BABAM2: variants seen among roughly 807,000 people sequenced by gnomAD.
BABAM2 encodes BRISC and BRCA1 A complex member 2.
In BABAM2, 31 loss-of-function variants were observed where a neutral mutation model predicts 54.7. The ratio of observed to expected loss-of-function variants is 0.57; its 90% CI spans 0.43 to 0.77. The LOEUF is 0.77. BABAM2 is among the 30% of genes least tolerant of loss of function. BABAM2 has a pLI of 0.00. For synonymous variants in BABAM2, 167 were observed against 162.9 expected, an observed-to-expected ratio of 1.03 and a Z score of -0.19; for missense variants, 364 against 455.8, an observed-to-expected ratio of 0.80 and a Z score of 1.83.
chr2:28,004,347 A>G (rs1211337887), intron 4 of BABAM2, among the ~76,000 whole-genome samples: 1 of 152,228 alleles, frequency 6.6e-6, no homozygotes, highest in African/African-American at 2.4e-5. Flanking sequence ...ACAATGACTC[A>G]GTAGACCTTG....
chr2:28,256,707 T>TC (rs918202609), intron 10 of BABAM2, among the ~76,000 whole-genome samples: 3 of 150,308 alleles, frequency 2.0e-5, no homozygotes, highest in African/African-American at 7.3e-5. Context: ...TTTTTTTTTT[T>TC]TTTTTGAGAT....
intron 11 of BABAM2, among the ~76,000 whole-genome samples, chr2:28,332,730 C>T (rs1263843396): frequency 6.6e-6 from 1 of 152,196 alleles, no homozygotes; most frequent in African/African-American, 2.4e-5. Context: ...AACTGCACAC[C>T]ACACACAAGG....
At chr2:28,072,336 C>G (rs1374102218) in intron 6 of BABAM2, among the ~76,000 whole-genome samples, 2 of 151,708 alleles carry the variant, frequency 1.3e-5, no homozygotes, top group East Asian at 3.9e-4. Context: ...CCACGCCCAG[C>G]TAATTTTTGT....
chr2:28,234,672 A>G (rs1363659295), intron 7 of BABAM2, among the ~76,000 whole-genome samples: 1 of 152,168 alleles, frequency 6.6e-6, no homozygotes, highest in Non-Finnish European at 1.5e-5. Flanking sequence ...GCCATTCTGT[A>G]TGTTATACAG....
At chr2:27,965,252 G>A (rs1303147481) in intron 3 of BABAM2, among the ~76,000 whole-genome samples, 1 of 151,964 alleles carries the variant, frequency 6.6e-6, no homozygotes, top group African/African-American at 2.4e-5. Flanking sequence ...TTATTTCAAC[G>A]TAAATTATAT....
rs34308709 is a variant in BABAM2, at chr2:27,942,791, AATTTATTTATTT to A, written c.205+12911_205+12922del. Among the ~76,000 whole-genome samples the A allele has an allele frequency of 8.5e-5, 12 of 141,860 alleles. No individual in the cohort carries two copies. The East Asian group carries it at 1.0e-3, about 12-fold the overall frequency. The allele number at this position is 141,860 out of a possible 152,430, so 93.1% of individuals were successfully genotyped here. The stretch of plus-strand genomic sequence containing the variant: ...CTGTTTTACTTATTCTTTCTTAAAA[AATTTATTTATTT>A]ATTTATTTATTTATTTATTTATTTA... On this transcript the variant is annotated intron_variant, in intron 3 of 11. Transcript: ENST00000379624.
intron 7 of BABAM2, among the ~76,000 whole-genome samples, chr2:28,178,794 A>G (rs1035185016): frequency 2.0e-4 from 30 of 151,982 alleles, no homozygotes; most frequent in Non-Finnish European, 3.8e-4. Context: ...AATCAGAAAC[A>G]AAAAAAGAGG....
Position 28,335,154 on chromosome 2 carries a change from C to CTTTTTTTTTTTTTTT in BABAM2, c.1089-3283_1089-3269dup, listed in dbSNP as rs56135926. Among the ~76,000 whole-genome samples the CTTTTTTTTTTTTTTT allele has an allele frequency of 7.0e-4, 50 of 71,520 alleles. 4 individuals carry two copies. Among genetic ancestry groups the CTTTTTTTTTTTTTTT allele is most frequent in the South Asian group, 1.2e-3 (2 of 1,694 alleles). 46.9% of individuals were successfully genotyped at this position (71,520 alleles called of 152,430 possible). A position where few individuals can be genotyped will look rare whatever the true frequency, so the allele number is the denominator to read the frequency against. On this transcript the variant is annotated intron_variant, in intron 11 of 11. Transcript: ENST00000379624. ...CTGGAGCTGCTGTCTCTCCCACCTT[C>CTTTTTTTTTTTTTTT]TTTTTTTTTTTTTTTTTTTTTTTTT...
rs1690535711 is a variant in BABAM2 at position 28,327,149 on chromosome 2, G to A, written c.1089-11301G>A. On this transcript the variant is annotated intron_variant, in intron 11 of 11. Transcript: ENST00000379624. ...ATGCGTGCATACATCTGTGATGAAC[G>A]CCAGAGAAAGAAGCTGGTCCCATGG... 5.0e-6 allele frequency: 5 copies of A among 997,384 alleles called. No individual in the cohort carries two copies. The South Asian group carries it at 7.4e-5, about 15-fold the overall frequency. The allele number at this position is 997,384 out of a possible 1,614,324, so 61.8% of individuals were successfully genotyped here. A position where few individuals can be genotyped will look rare whatever the true frequency, so the allele number is the denominator to read the frequency against.
chr2:28,327,016 T>C (rs1419675230), intron 11 of BABAM2, among the ~76,000 whole-genome samples: 1 of 152,214 alleles, frequency 6.6e-6, no homozygotes, highest in Non-Finnish European at 1.5e-5. Flanking sequence ...TGGTGAGTGT[T>C]GGACACTATG....
chr2:28,271,658 G>A (rs150830538), intron 10 of BABAM2, among the ~76,000 whole-genome samples: 142 of 152,260 alleles, frequency 9.3e-4, no homozygotes, highest in African/African-American at 3.3e-3. Context: ...TAGAAGGCAT[G>A]TATCACCCCA....
chr2:28,245,937 C>G (rs1682876553), intron 10 of BABAM2, among the ~76,000 whole-genome samples: 1 of 152,066 alleles, frequency 6.6e-6, no homozygotes, highest in South Asian at 2.1e-4. Flanking sequence ...TGATTACACA[C>G]CAATAGATAG....
At chr2:28,333,137 G>A (rs1210664301) in intron 11 of BABAM2, among the ~76,000 whole-genome samples, 1 of 151,962 alleles carries the variant, frequency 6.6e-6, no homozygotes, top group African/African-American at 2.4e-5. Context: ...CATCTCTTAT[G>A]CCAGGTACCA....
At chr2:28,034,916 C>T (rs532398906) in intron 5 of BABAM2, among the ~76,000 whole-genome samples, 2 of 152,128 alleles carry the variant, frequency 1.3e-5, no homozygotes, top group South Asian at 2.1e-4. Context: ...ACCTTAATGT[C>T]GGGATTAACG....
chr2:27,915,579 C>T (rs1310607043), intron 2 of BABAM2, among the ~76,000 whole-genome samples: 2 of 152,198 alleles, frequency 1.3e-5, no homozygotes, highest in Non-Finnish European at 2.9e-5. Flanking sequence ...GTGGATGGCA[C>T]ACTTATCCCA....
chr2:27,921,597 T>C (rs1360437880), intron 2 of BABAM2, among the ~76,000 whole-genome samples: 2 of 152,172 alleles, frequency 1.3e-5, no homozygotes, highest in Non-Finnish European at 2.9e-5. Context: ...CATAAGCATC[T>C]ACGTGCCTCA....
intron 10 of BABAM2, among the ~76,000 whole-genome samples, chr2:28,255,653 T>G (rs1482908481): frequency 1.3e-5 from 2 of 151,910 alleles, no homozygotes; most frequent in Non-Finnish European, 2.9e-5. Flanking sequence ...AACTTAGAAG[T>G]TTTTGTTTGT....
chr2:28,327,577 C>A, intron 11 of BABAM2: 1 of 1,059,530 alleles, frequency 9.4e-7, no homozygotes, highest in Non-Finnish European at 1.3e-6. Flanking sequence ...TAATTCAACA[C>A]ATACTGAGAC....
At chr2:27,912,594 G>T (rs893665237) in intron 2 of BABAM2, among the ~76,000 whole-genome samples, 7 of 152,100 alleles carry the variant, frequency 4.6e-5, no homozygotes, top group Non-Finnish European at 2.9e-5. Flanking sequence ...AATTCAGGAC[G>T]CGAGAGACCA....
Sources: allele counts gnomAD v4.1 joint callset (sites outside exome capture counted in the v4.1 genomes callset), GRCh38; gene constraint gnomAD v4.1.1; transcripts MANE v1.5; gene names NCBI Gene and HGNC (gene_info 2026-07-23, HGNC 2026-07-21).